The following TFDP2 variants were observed in gnomAD, a reference collection of about 807,000 sequenced individuals.
TFDP2 encodes transcription factor Dp-2 (E2F dimerization partner 2).
TFDP2 carries 17 observed loss-of-function variants against 59.3 expected under a neutral mutation model. The ratio of observed to expected loss-of-function variants is 0.29; its 90% CI spans 0.20 to 0.43. TFDP2 has a LOEUF of 0.43. Ranked by LOEUF, TFDP2 falls within the 20% of genes least tolerant of loss-of-function variation. The pLI is 1.00. For missense variants in TFDP2, 391 were observed against 528.8 expected (o/e 0.74, Z 2.56); for synonymous variants, 180 against 194.7 (o/e 0.92, Z 0.63).
intron 3 of TFDP2, chr3:142,044,009 G>T: frequency 1.4e-6 from 1 of 699,026 alleles, no homozygotes; most frequent in Non-Finnish European, 2.6e-6. Context: ...TCTTTTTCCG[G>T]CATCAAGCCC....
chr3:141,965,290 CAG>C (rs1470153249), intron 9 of TFDP2, among the ~76,000 whole-genome samples: 1 of 151,758 alleles, frequency 6.6e-6, no homozygotes, highest in Admixed American at 6.6e-5. Context: ...ATCTTATGAT[CAG>C]TATTGTTTAT....
At chr3:141,997,664 A>G (rs1041416290) in intron 4 of TFDP2, among the ~76,000 whole-genome samples, 4 of 151,988 alleles carry the variant, frequency 2.6e-5, no homozygotes, top group Admixed American at 2.0e-4. Flanking sequence ...AGCCTGGCCA[A>G]TATGGTGAAA....
At chr3:142,120,388 A>G (rs1018834474) in intron 1 of TFDP2, among the ~76,000 whole-genome samples, 11 of 152,182 alleles carry the variant, frequency 7.2e-5, no homozygotes, top group Admixed American at 5.9e-4. Context: ...GAAAGAAAAC[A>G]TATCAATGAT....
At chr3:142,100,419 C>A (rs1404581229) in intron 2 of TFDP2, among the ~76,000 whole-genome samples, 1 of 152,188 alleles carries the variant, frequency 6.6e-6, no homozygotes, top group Admixed American at 6.5e-5. Context: ...GTCCCCCAGG[C>A]TGGAGTGCAA....
chr3:141,953,391 T>C (rs1181130379), intron 11 of TFDP2, among the ~76,000 whole-genome samples: 1 of 152,072 alleles, frequency 6.6e-6, no homozygotes, highest in East Asian at 1.9e-4. Context: ...GACTGTGGTG[T>C]TGAGAGCCAA....
intron 1 of TFDP2, among the ~76,000 whole-genome samples, chr3:142,131,283 A>G (rs939298070): frequency 6.7e-6 from 1 of 150,196 alleles, no homozygotes; most frequent in African/African-American, 2.5e-5. Flanking sequence ...ATTTGAATAC[A>G]TTTCATAACA....
Position 141,969,180 on chromosome 3 carries a change from CAT to C in TFDP2, c.732+891_732+892del, listed in dbSNP as rs1386780838. Among the ~76,000 whole-genome samples, 50 of 90,568 alleles carry C rather than the reference CAT, an allele frequency of 5.5e-4. 5 individuals are homozygous for C. Among genetic ancestry groups the C allele is most frequent in the South Asian group, 3.2e-4 (1 of 3,088 alleles). 59.4% of individuals were successfully genotyped at this position (90,568 alleles called of 152,430 possible). On this transcript the variant is annotated intron_variant, in intron 9 of 12. Transcript: ENST00000489671. The stretch of plus-strand genomic sequence containing the variant: ...ATATATATAACATATATATATATCT[CAT>C]ATATATGAGATATATATATATAACA...
chr3:142,003,407 G>A (rs543623032), intron 4 of TFDP2, among the ~76,000 whole-genome samples: 11 of 152,238 alleles, frequency 7.2e-5, no homozygotes, highest in African/African-American at 2.6e-4. Context: ...TGGGATTACA[G>A]GCGTGAGACA....
chr3:142,069,246 T>C (rs1026804971), intron 3 of TFDP2, among the ~76,000 whole-genome samples: 5 of 152,202 alleles, frequency 3.3e-5, no homozygotes, highest in Admixed American at 2.0e-4. Flanking sequence ...TTCTAGATCA[T>C]TCTATATTTG....
chr3:142,060,822 G>C (rs1042292228), intron 3 of TFDP2, among the ~76,000 whole-genome samples: 1 of 152,100 alleles, frequency 6.6e-6, no homozygotes, highest in Non-Finnish European at 1.5e-5. Context: ...CAAACATCTG[G>C]GTAGTGCTTT....
chr3:142,006,088 T>C lies in TFDP2; in HGVS notation c.83-544A>G, dbSNP rs190572389. 2.0e-5 allele frequency among the ~76,000 whole-genome samples: 3 copies of C among 152,342 alleles called. No individual in the cohort carries two copies. The East Asian group carries it at 5.8e-4, about 29-fold the overall frequency. On this transcript the variant is annotated intron_variant, in intron 3 of 12. Coordinates refer to ENST00000489671, the MANE Select transcript of TFDP2 (RefSeq NM_001178139.2). The stretch of plus-strand genomic sequence containing the variant: ...AGAGAAAAAACATGGTGCTAACTAG[T>C]TATTAATACTAGAAACAGTGGGATC...
chr3:142,060,892 G>C (rs1477598485), intron 3 of TFDP2, among the ~76,000 whole-genome samples: 69 of 152,092 alleles, frequency 4.5e-4, no homozygotes, highest in Admixed American at 4.5e-3. Flanking sequence ...GACAGAGACT[G>C]GTTATCAACT....
At chr3:142,005,848 A>G (rs968069079) in intron 3 of TFDP2, among the ~76,000 whole-genome samples, 3 of 152,190 alleles carry the variant, frequency 2.0e-5, no homozygotes, top group Non-Finnish European at 4.4e-5. Flanking sequence ...AGAAGAAAAA[A>G]TTTTTAGAGA....
At chr3:142,021,004 T>C (rs1214631432) in intron 3 of TFDP2, among the ~76,000 whole-genome samples, 2 of 151,932 alleles carry the variant, frequency 1.3e-5, no homozygotes, top group Admixed American at 1.3e-4. Context: ...AAAATAGTTT[T>C]CACTTTATTT....
At chr3:141,961,249 T>TC (rs1407860357) in intron 10 of TFDP2, among the ~76,000 whole-genome samples, 3 of 143,594 alleles carry the variant, frequency 2.1e-5, no homozygotes, top group East Asian at 3.9e-4. Flanking sequence ...TTTTTTTTTT[T>TC]TTTTTTTTTT....
chr3:142,016,751 T>G (rs546086678), intron 3 of TFDP2, among the ~76,000 whole-genome samples: 1 of 152,366 alleles, frequency 6.6e-6, no homozygotes, highest in South Asian at 2.1e-4. Context: ...GATTACATTA[T>G]ACTAGGAAAC....
At chr3:141,960,280 C>T (rs527557298) in intron 10 of TFDP2, among the ~76,000 whole-genome samples, 1 of 152,304 alleles carries the variant, frequency 6.6e-6, no homozygotes, top group South Asian at 2.1e-4. Context: ...TAGCTACAGC[C>T]TACTTCAGAT....
At chr3:142,010,199 C>T (rs1169616183) in intron 3 of TFDP2, among the ~76,000 whole-genome samples, 1 of 150,934 alleles carries the variant, frequency 6.6e-6, no homozygotes, top group Non-Finnish European at 1.5e-5. Flanking sequence ...TTTATTTAAC[C>T]TACTCTTATA....
intron 9 of TFDP2, among the ~76,000 whole-genome samples, chr3:141,964,229 G>A (rs4683413): frequency 0.075 from 11,340 of 152,158 alleles, 524 homozygotes; most frequent in Non-Finnish European, 0.11. Flanking sequence ...AAATGACACA[G>A]CAAGGGTGAT....
Sources: allele counts gnomAD v4.1 joint callset (sites outside exome capture counted in the v4.1 genomes callset), GRCh38; gene constraint gnomAD v4.1.1; transcripts MANE v1.5; gene names NCBI Gene and HGNC (gene_info 2026-07-23, HGNC 2026-07-21).